The following RASGRF2 variants were observed in gnomAD, a reference collection of about 807,000 sequenced individuals.
RASGRF2 encodes ras-specific guanine nucleotide-releasing factor 2.
In RASGRF2, 76 loss-of-function variants were observed where a neutral mutation model predicts 151.0. The ratio of observed to expected loss-of-function variants is 0.50; its 90% confidence interval spans 0.42 to 0.61. The LOEUF is 0.61. Ranked by LOEUF, RASGRF2 falls within the 20% of genes least tolerant of loss-of-function variation. The pLI is 0.00. For missense variants in RASGRF2, 1,148 were observed against 1,564.6 expected (o/e 0.73, Z 4.49); for synonymous variants, 504 against 566.5 (o/e 0.89, Z 1.57).
At chr5:81,171,163 C>T (rs1437748464) in intron 17 of RASGRF2, among the ~76,000 whole-genome samples, 1 of 152,194 alleles carries the variant, frequency 6.6e-6, no homozygotes, top group Non-Finnish European at 1.5e-5. Context: ...CCTCTCCTTG[C>T]ATACGCAGGC....
At chr5:81,112,907 C>T (rs377510979) in intron 14 of RASGRF2, 49 bp downstream of exon 14, 11 of 1,607,500 alleles carry the variant, frequency 6.8e-6, no homozygotes, top group Admixed American at 6.7e-5. Context: ...TGGCCCTCTT[C>T]GTTCCGGAGT....
At chr5:81,195,874 CT>C (rs1411541159) in intron 18 of RASGRF2, among the ~76,000 whole-genome samples, 3 of 152,184 alleles carry the variant, frequency 2.0e-5, no homozygotes, top group South Asian at 4.1e-4. Flanking sequence ...GTGATCACCT[CT>C]CTTCAGCCTG....
rs762446581 is a variant in RASGRF2, at chr5:81,228,652, G to A, written c.*2882G>A. The A allele has an allele frequency of 2.0e-5, 3 of 152,168 alleles. No individual in the cohort carries two copies. Among genetic ancestry groups the A allele is most frequent in the Non-Finnish European group, 2.9e-5 (2 of 68,022 alleles). 9.4% of individuals were successfully genotyped at this position (152,168 alleles called of 1,614,324 possible). A position where few individuals can be genotyped will look rare whatever the true frequency, so the allele number is the denominator to read the frequency against. ...AATGCCCACATTTTGTACTGTCAAC[G>A]AAATTATCTTGGAGCTTTTAGGGGA... On this transcript the variant is annotated 3_prime_UTR_variant, in exon 27 of 27. Transcript: ENST00000265080.
intron 19 of RASGRF2, among the ~76,000 whole-genome samples, chr5:81,205,177 A>C (rs1279575991): frequency 6.6e-6 from 1 of 152,218 alleles, no homozygotes; most frequent in Admixed American, 6.5e-5. Context: ...TAATATGGCT[A>C]AGTGCCGATA....
chr5:81,159,137 A>G (rs936035853), intron 17 of RASGRF2, among the ~76,000 whole-genome samples: 1 of 152,288 alleles, frequency 6.6e-6, no homozygotes, highest in Non-Finnish European at 1.5e-5. Flanking sequence ...CATGCTATAT[A>G]TTAAATGTGA....
chr5:80,977,876 C>T (rs1748176902), intron 1 of RASGRF2, among the ~76,000 whole-genome samples: 1 of 152,076 alleles, frequency 6.6e-6, no homozygotes, highest in Non-Finnish European at 1.5e-5. Flanking sequence ...TTTTATGGTC[C>T]ATTTTGAGAA....
At chr5:81,160,961 G>A (rs936245223) in intron 17 of RASGRF2, among the ~76,000 whole-genome samples, 6 of 152,228 alleles carry the variant, frequency 3.9e-5, no homozygotes, top group Non-Finnish European at 8.8e-5. Context: ...ATCAGGGACT[G>A]TGGTTTTGGA....
intron 17 of RASGRF2, among the ~76,000 whole-genome samples, chr5:81,177,264 AT>A (rs967574315): frequency 6.6e-5 from 10 of 151,956 alleles, no homozygotes; most frequent in African/African-American, 2.4e-5. Flanking sequence ...ATAACAAAAG[AT>A]TTTTTTTCCA....
chr5:81,192,235 T>A (rs1755167718), intron 18 of RASGRF2, among the ~76,000 whole-genome samples: 1 of 152,242 alleles, frequency 6.6e-6, no homozygotes, highest in East Asian at 1.9e-4. Context: ...TTGTCAGGCA[T>A]ATATTTTCTC....
chr5:81,146,115 G>A (rs1184802167), intron 17 of RASGRF2, among the ~76,000 whole-genome samples: 4 of 152,182 alleles, frequency 2.6e-5, no homozygotes, highest in African/African-American at 7.2e-5. Flanking sequence ...GTATTTCAAG[G>A]TTCCCGAACA....
chr5:81,222,033 T>C (rs1755867454), intron 26 of RASGRF2, among the ~76,000 whole-genome samples: 2 of 152,160 alleles, frequency 1.3e-5, no homozygotes, highest in South Asian at 4.1e-4. Context: ...TCTTTTATAT[T>C]TTGCCCCCGT....
At chr5:81,049,426 T>C (rs1205106419) in intron 2 of RASGRF2, among the ~76,000 whole-genome samples, 1 of 152,218 alleles carries the variant, frequency 6.6e-6, no homozygotes, top group Non-Finnish European at 1.5e-5. Flanking sequence ...CATTAGTTTA[T>C]AGGGATCTAA....
intron 9 of RASGRF2, chr5:81,087,232 T>C (rs1279650056): frequency 2.8e-6 from 2 of 702,920 alleles, no homozygotes; most frequent in South Asian, 3.0e-5. Flanking sequence ...TCTCTGCAGC[T>C]CCAAGGAGGA....
chr5:80,965,777 A>G (rs1747703124), intron 1 of RASGRF2, among the ~76,000 whole-genome samples: 3 of 152,208 alleles, frequency 2.0e-5, no homozygotes, highest in African/African-American at 7.2e-5. Flanking sequence ...TTCTGGTTTT[A>G]GCAAGCAAAT....
chr5:81,163,744 A>G (rs1431261758), intron 17 of RASGRF2, among the ~76,000 whole-genome samples: 1 of 152,142 alleles, frequency 6.6e-6, no homozygotes, highest in African/African-American at 2.4e-5. Context: ...CCAGCATGAG[A>G]TGCTGTATAA....
chr5:81,177,445 C>T (rs990848111), intron 17 of RASGRF2, among the ~76,000 whole-genome samples: 4 of 151,474 alleles, frequency 2.6e-5, no homozygotes, highest in Non-Finnish European at 4.4e-5. Context: ...TCGTTAGCTC[C>T]GAGAATTATT....
intron 18 of RASGRF2, among the ~76,000 whole-genome samples, chr5:81,195,535 C>A (rs1337772687): frequency 6.7e-6 from 1 of 149,280 alleles, no homozygotes; most frequent in Non-Finnish European, 1.5e-5. Context: ...ATCAGAAGAT[C>A]TAGATTTCTT....
chr5:81,139,100 C>T (rs1010939506), intron 17 of RASGRF2, among the ~76,000 whole-genome samples: 5 of 152,152 alleles, frequency 3.3e-5, no homozygotes, highest in Non-Finnish European at 5.9e-5. Context: ...TTTTAGCATA[C>T]AAATCTTACA....
At chr5:81,210,960 A>C (rs572079556) in intron 22 of RASGRF2, among the ~76,000 whole-genome samples, 12 of 152,244 alleles carry the variant, frequency 7.9e-5, no homozygotes, top group South Asian at 4.2e-4. Context: ...AGCCTGGGCA[A>C]CATAGTGAGA....
Sources: gnomAD v4.1 joint callset for allele counts (sites outside exome capture counted in the v4.1 genomes callset) on GRCh38, gnomAD v4.1.1 for gene constraint, MANE v1.5 for transcripts, NCBI Gene and HGNC (gene_info 2026-07-23, HGNC 2026-07-21) for gene names.